ZNF469: variants seen among roughly 807,000 people sequenced by gnomAD.
The protein encoded by ZNF469 is zinc finger protein 469.
Under a neutral mutation model 1.0 loss-of-function variants are expected in ZNF469, and 1 was observed. The ratio of observed to expected loss-of-function variants is 1.00; its 90% CI spans 0.35 to 4.73. The LOEUF (loss-of-function observed/expected upper bound fraction) is 4.73. ZNF469 is among the 30% of genes most tolerant of loss of function. ZNF469 has a pLI of 0.16. For synonymous variants in ZNF469, 2,703 were observed against 2,363.4 expected (o/e 1.14, Z -4.17); for missense variants, 6,100 against 5,356.3 (o/e 1.14, Z -4.33).
At chr16:88,318,738 C>G in the ZNF469 span, among the ~76,000 whole-genome samples, 1 of 152,210 alleles carries the variant, frequency 6.6e-6, no homozygotes, top group Non-Finnish European at 1.5e-5. Flanking sequence ...TCTTGGAGCT[C>G]GGAGGAGGGG....
intron 1 of ZNF469, among the ~76,000 whole-genome samples, chr16:88,412,660 G>A (rs1905203268): frequency 6.6e-6 from 1 of 152,154 alleles, no homozygotes; most frequent in African/African-American, 2.4e-5. Flanking sequence ...CACCCACAGC[G>A]ATGTCCCCAC....
At chr16:88,111,192 AG>A in the ZNF469 span, among the ~76,000 whole-genome samples, 1 of 152,230 alleles carries the variant, frequency 6.6e-6, no homozygotes, top group African/African-American at 2.4e-5. Context: ...AGCGTGAGGA[AG>A]GCCTTTTGAA....
chr16:88,109,513 G>A, the ZNF469 span, among the ~76,000 whole-genome samples: 37 of 152,086 alleles, frequency 2.4e-4, no homozygotes, highest in African/African-American at 8.9e-4. Context: ...CTGAGCGTCT[G>A]TGTCCACGCT....
At chr16:88,227,659 G>A in the ZNF469 span, among the ~76,000 whole-genome samples, 1 of 149,588 alleles carries the variant, frequency 6.7e-6, no homozygotes, top group Non-Finnish European at 1.5e-5. Context: ...AAGGGTGCCT[G>A]CCTTGATGCG....
At position 88,438,196 on chromosome 16, in the gene ZNF469, G is replaced by C. The variant is rs1906738728; in HGVS notation, c.10726G>C (p.Glu3576Gln). 2 of 1,547,218 alleles carry C rather than the reference G, an allele frequency of 1.3e-6. No individual in the cohort carries two copies. The highest frequency in any genetic ancestry group is 1.7e-6 in the Non-Finnish European group (2 of 1,144,714). ...AGACTGCGCGCTGGACGGAGCCCTGGAGAGGCCAGAGAACGAGGCTTCCCC... is the reference window on the plus strand; with the variant it reads ...AGACTGCGCGCTGGACGGAGCCCTGCAGAGGCCAGAGAACGAGGCTTCCCC... ...RGDCALDGAL[E>Q]RPENEASPGS... The change falls in exon 3 of 3, where the codon GAG becomes CAG. Residue 3576 changes from glutamate (E) to glutamine (Q), a missense_variant. Physicochemically the swap from Glu to Gln is conservative, Grantham distance 29. Transcript: ENST00000565624.
At chr16:88,397,800 C>G (rs541455724) in intron 1 of ZNF469, among the ~76,000 whole-genome samples, 1 of 152,176 alleles carries the variant, frequency 6.6e-6, no homozygotes, top group East Asian at 1.9e-4. Context: ...TGTTGGAAAT[C>G]CCCTCCCTGG....
At chr16:88,380,394 C>T (rs995133917), upstream of ZNF469, among the ~76,000 whole-genome samples, 23 of 108,874 alleles carry the variant, frequency 2.1e-4, no homozygotes, top group East Asian at 3.7e-4. Flanking sequence ...CTCACAGACA[C>T]GCCCTCACAC....
At chr16:88,398,810 G>T (rs1802365347) in intron 1 of ZNF469, among the ~76,000 whole-genome samples, 1 of 152,212 alleles carries the variant, frequency 6.6e-6, no homozygotes, top group Non-Finnish European at 1.5e-5. Context: ...ATCCGGGCTG[G>T]GATCCGTGAC....
chr16:88,399,799 T>C (rs905425825), intron 1 of ZNF469, among the ~76,000 whole-genome samples: 13 of 152,132 alleles, frequency 8.5e-5, no homozygotes, highest in Admixed American at 4.6e-4. Flanking sequence ...CAACGCCCAA[T>C]CTCGCAGGAG....
the ZNF469 span, among the ~76,000 whole-genome samples, chr16:88,215,006 T>G: frequency 6.6e-6 from 1 of 152,364 alleles, no homozygotes; most frequent in Middle Eastern, 3.4e-3. Flanking sequence ...GCTTTATAGC[T>G]TTAACTAATA....
chr16:88,377,493 C>T, the ZNF469 span, among the ~76,000 whole-genome samples: 16,119 of 152,232 alleles, frequency 0.11, 906 homozygotes, highest in African/African-American at 0.16. Flanking sequence ...TTTTTGCTCT[C>T]GACTGGGGCC....
At chr16:88,199,491 G>A in the ZNF469 span, among the ~76,000 whole-genome samples, 1 of 152,324 alleles carries the variant, frequency 6.6e-6, no homozygotes, top group Admixed American at 6.5e-5. Flanking sequence ...GTGGATCTGA[G>A]GACTCTGCTC....
chr16:88,224,690 C>A, the ZNF469 span, among the ~76,000 whole-genome samples: 1 of 152,118 alleles, frequency 6.6e-6, no homozygotes, highest in Non-Finnish European at 1.5e-5. Context: ...GAGCTCTGCC[C>A]GTGTGTCTCT....
At chr16:88,193,265 TAGTGGTGATGGTGGTGGTGGA>T in the ZNF469 span, among the ~76,000 whole-genome samples, 1 of 140,188 alleles carries the variant, frequency 7.1e-6, no homozygotes, top group Admixed American at 7.1e-5. Context: ...GTGATGGTGG[TAGTGGTGATGGTGGTGGTGGA>T]GATGGTGGTG....
At chr16:88,145,586 C>T in the ZNF469 span, among the ~76,000 whole-genome samples, 1 of 152,250 alleles carries the variant, frequency 6.6e-6, no homozygotes. Context: ...TCTGGTCTTC[C>T]AAATGGCTTC....
At position 88,383,153 on chromosome 16, in the gene ZNF469, G is replaced by T. The variant is rs548364632; in HGVS notation, c.-293G>T. On this transcript the variant is annotated 5_prime_UTR_variant, in exon 1 of 3. Coordinates refer to ENST00000565624, the MANE Select transcript of ZNF469 (RefSeq NM_001367624.2). ...GGGCGGCCCGGGCGGGCCTGCGGTC[G>T]GGATGAGGACGGCGCCTCCGCTGCA... is the stretch of plus-strand genomic sequence containing the variant. 6.7e-6 allele frequency among the ~76,000 whole-genome samples: 1 copy of T among 148,342 alleles called. No homozygotes were observed. The highest frequency in any genetic ancestry group is 1.5e-5 in the Non-Finnish European group (1 of 66,512).
intron 1 of ZNF469, among the ~76,000 whole-genome samples, chr16:88,391,176 A>T (rs1904482004): frequency 6.6e-6 from 1 of 152,200 alleles, no homozygotes. Flanking sequence ...CCACCTGTTC[A>T]GTGGAGTGAT....
chr16:88,320,860 CCAACA>C, the ZNF469 span, among the ~76,000 whole-genome samples: 1 of 152,218 alleles, frequency 6.6e-6, no homozygotes, highest in Non-Finnish European at 1.5e-5. Flanking sequence ...CAGCACACGC[CCAACA>C]CGAGTCCACA....
At position 88,436,496 on chromosome 16, in the gene ZNF469, C is replaced by T. The variant is rs773595581; in HGVS notation, c.9026C>T (p.Ser3009Phe). Reference protein sequence around the residue: ...GLEMPAPADDSSSSLGDVSPE... With the variant: ...GLEMPAPADDFSSSLGDVSPE... Reference sequence around the variant, plus strand: ...GAGATGCCGGCCCCTGCCGATGACTCCTCCTCTTCTCTCGGAGATGTGAGC... The same window carrying T: ...GAGATGCCGGCCCCTGCCGATGACTTCTCCTCTTCTCTCGGAGATGTGAGC... Residue 3009 changes from serine (S) to phenylalanine (F), a missense_variant, in exon 3 of 3, where the codon TCC becomes TTC. Transcript: ENST00000565624. 6.5e-7 allele frequency: 1 copy of T among 1,548,304 alleles called. No homozygotes were observed. The highest frequency in any genetic ancestry group is 8.7e-7 in the Non-Finnish European group (1 of 1,146,960).
Sources: gnomAD v4.1 joint callset for allele counts (sites outside exome capture counted in the v4.1 genomes callset) on GRCh38, gnomAD v4.1.1 for gene constraint, MANE v1.5 for transcripts, NCBI Gene and HGNC (gene_info 2026-07-23, HGNC 2026-07-21) for gene names.